NGEF: variants seen among roughly 807,000 people sequenced by gnomAD.
NGEF encodes ephexin-1.
A neutral mutation model predicts 80.9 loss-of-function variants in NGEF; 31 were observed. The ratio of observed to expected loss-of-function variants is 0.38; its 90% confidence interval spans 0.29 to 0.52. NGEF has a LOEUF of 0.52. Among genes scored for constraint, NGEF ranks in the 20% least tolerant of loss-of-function variants. The pLI is 0.84. For synonymous variants in NGEF, 371 were observed against 370.2 expected (o/e 1.00, Z -0.03); for missense variants, 709 against 926.2 (o/e 0.77, Z 3.04).
chr2:232,900,454 T>G lies in NGEF; in HGVS notation c.829-5538A>C, dbSNP rs572396346. Reference sequence around the variant, plus strand: ...CTCTCACAGTCACTCATATACACGTTCACTCACATTCACTCACACACACGC... The same window carrying G: ...CTCTCACAGTCACTCATATACACGTGCACTCACATTCACTCACACACACGC... On this transcript the variant is annotated intron_variant, in intron 5 of 14. Coordinates refer to ENST00000264051, the MANE Select transcript of NGEF (RefSeq NM_019850.3). Among the ~76,000 whole-genome samples the G allele has an allele frequency of 3.3e-4, 21 of 64,572 alleles. 2 individuals are homozygous for G. Among genetic ancestry groups the G allele is most frequent in the African/African-American group, 1.1e-3 (21 of 18,570 alleles). 42.4% of individuals were successfully genotyped at this position (64,572 alleles called of 152,430 possible). A position where few individuals can be genotyped will look rare whatever the true frequency, so the allele number is the denominator to read the frequency against.
At chr2:232,910,449 GGGGGGTGGGGGGGGTAAT>G (rs1277392169) in intron 5 of NGEF, among the ~76,000 whole-genome samples, 13 of 151,810 alleles carry the variant, frequency 8.6e-5, no homozygotes. Flanking sequence ...ATGGCGAGGT[GGGGGGTGGGGGGGGTAAT>G]GGGGGTGGGG....
Position 232,929,236 on chromosome 2 carries a change from C to G in NGEF, c.384-2050G>C, listed in dbSNP as rs984962314. Among the ~76,000 whole-genome samples, 24 of 152,208 alleles carry G rather than the reference C, an allele frequency of 1.6e-4. 1 individual carries two copies. The highest frequency in any genetic ancestry group is 1.6e-3 in the Admixed American group (24 of 15,276). On this transcript the variant is annotated intron_variant, in intron 3 of 14. Transcript: ENST00000264051. ...CGGCATTTGTTTAAATTAGCAAATT[C>G]TTCGTTGGGGGGGATGCAAACATTC...
At chr2:232,973,476 G>A (rs1040792520) in intron 2 of NGEF, among the ~76,000 whole-genome samples, 3 of 152,220 alleles carry the variant, frequency 2.0e-5, no homozygotes, top group African/African-American at 4.8e-5. Context: ...CTGTGGGCTG[G>A]TTTGACTGAC....
chr2:232,888,034 A>T lies in NGEF; in HGVS notation c.1346T>A (p.Met449Lys), dbSNP rs1399586944. The change falls in exon 9 of 15, where the codon ATG (methionine) becomes AAG (lysine). Residue 449 changes from methionine to lysine, a missense_variant and splice_region_variant. Physicochemically the swap from Met to Lys is moderately conservative, Grantham distance 95. This residue lies in a region of NGEF where 426 missense variants were observed against 622.9 expected (regional missense o/e 0.68). Transcript: ENST00000264051. ...TALDAHKELE[M>K]VVKACNEGVR... is the part of the protein sequence containing the mutation. Reference sequence around the variant, plus strand: ...AGCACAAGAGGAGGTGAGACTCACCATTTCCAGCTCCTTGTGAGCATCCAA... The same window carrying T: ...AGCACAAGAGGAGGTGAGACTCACCTTTTCCAGCTCCTTGTGAGCATCCAA... 6.2e-7 allele frequency: 1 copy of T among 1,613,514 alleles called. No individual in the cohort carries two copies.
intron 1 of NGEF, among the ~76,000 whole-genome samples, chr2:232,982,880 A>G (rs1357561631): frequency 6.6e-6 from 1 of 152,222 alleles, no homozygotes; most frequent in Non-Finnish European, 1.5e-5. Context: ...AGACAGAGGA[A>G]GGAGACACAG....
intron 3 of NGEF, among the ~76,000 whole-genome samples, chr2:232,968,066 A>G (rs1449256845): frequency 6.9e-6 from 1 of 144,882 alleles, no homozygotes; most frequent in South Asian, 2.1e-4. Flanking sequence ...GATGGAACCC[A>G]TTTGCTGAGG....
At chr2:232,933,415 A>G (rs1693260512) in intron 3 of NGEF, among the ~76,000 whole-genome samples, 1 of 152,048 alleles carries the variant, frequency 6.6e-6, no homozygotes, top group African/African-American at 2.4e-5. Context: ...CAGTGTGCCA[A>G]TGGCTCACCA....
At chr2:232,945,747 C>T (rs2106301261) in intron 3 of NGEF, among the ~76,000 whole-genome samples, 1 of 152,244 alleles carries the variant, frequency 6.6e-6, no homozygotes, top group East Asian at 1.9e-4. Flanking sequence ...TGCTTTGTTC[C>T]AGCGGCCCTA....
intron 1 of NGEF, among the ~76,000 whole-genome samples, chr2:233,006,699 C>T (rs1190541662): frequency 2.0e-5 from 3 of 152,156 alleles, no homozygotes; most frequent in Non-Finnish European, 4.4e-5. Context: ...TTTGCAAGGG[C>T]CAAGAGCTTT....
rs1691925093 is a variant in NGEF, at chr2:232,892,832, C to G, written c.1142+66G>C. On this transcript the variant is annotated intron_variant, in intron 7 of 14. Coordinates refer to ENST00000264051, the MANE Select transcript of NGEF (RefSeq NM_019850.3). The surrounding 1 kb of genome is among the most constrained non-coding windows in gnomAD (Gnocchi z 4.0). ...AGTGTCACCGTGTAAGGAGCCTGGG[C>G]CAGCACTGGTATGGCTGCCCCGGGC... 1.3e-6 allele frequency: 2 copies of G among 1,533,984 alleles called. No individual in the cohort carries two copies. Among genetic ancestry groups the G allele is most frequent in the Admixed American group, 3.5e-5 (2 of 57,704 alleles).
chr2:232,893,707 G>A (rs1336922989), intron 6 of NGEF, among the ~76,000 whole-genome samples: 4 of 152,128 alleles, frequency 2.6e-5, no homozygotes, highest in Non-Finnish European at 4.4e-5. Context: ...CCCAGGAGGC[G>A]GAGGTTGCCA....
chr2:232,883,158 T>A (rs35684440), intron 12 of NGEF, among the ~76,000 whole-genome samples, 153 bp downstream of exon 12: 12,252 of 152,162 alleles, frequency 0.081, 748 homozygotes, highest in Middle Eastern at 0.11. Flanking sequence ...ATAGAAAGTA[T>A]TGGCGCAGGG....
intron 5 of NGEF, among the ~76,000 whole-genome samples, chr2:232,904,538 C>T (rs908473093): frequency 6.6e-6 from 1 of 152,208 alleles, no homozygotes; most frequent in African/African-American, 2.4e-5. Flanking sequence ...CCCTTCCCAA[C>T]CTTTTAATTT....
At chr2:232,915,836 G>A (rs371750339) in intron 5 of NGEF, among the ~76,000 whole-genome samples, 3 of 152,004 alleles carry the variant, frequency 2.0e-5, no homozygotes. Flanking sequence ...GACTATAGGC[G>A]CACACCACCA....
intron 1 of NGEF, among the ~76,000 whole-genome samples, chr2:233,003,954 C>T (rs1487426175): frequency 1.3e-5 from 2 of 152,148 alleles, no homozygotes; most frequent in Non-Finnish European, 2.9e-5. Flanking sequence ...ACCAACAGAC[C>T]CAGCATTTAA....
intron 3 of NGEF, among the ~76,000 whole-genome samples, chr2:232,965,942 C>G (rs1046289769): frequency 6.6e-6 from 1 of 152,150 alleles, no homozygotes; most frequent in African/African-American, 2.4e-5. Flanking sequence ...CCAGATTCCC[C>G]ACTTCACCCT....
chr2:233,007,712 G>A lies in NGEF; in HGVS notation c.-75+5356C>T, dbSNP rs1302126931. Among the ~76,000 whole-genome samples, 5 of 152,246 alleles carry A rather than the reference G, an allele frequency of 3.3e-5. No homozygotes were observed. In the East Asian group the frequency reaches 5.8e-4, roughly 18 times the overall value. ...TTGATTTTAGATTGAGCATCCAAAC[G>A]ACTTCATTATGACCCTGAGCTCCAT... On this transcript the variant is annotated intron_variant, in intron 1 of 14. Coordinates refer to ENST00000264051, the MANE Select transcript of NGEF (RefSeq NM_019850.3).
intron 1 of NGEF, among the ~76,000 whole-genome samples, chr2:233,007,688 T>C (rs1695115455): frequency 1.3e-5 from 2 of 152,218 alleles, no homozygotes; most frequent in South Asian, 4.1e-4. Flanking sequence ...ATGAGCCTGT[T>C]GATTTTAGAT....
intron 5 of NGEF, among the ~76,000 whole-genome samples, chr2:232,902,087 C>T (rs1418532871): frequency 6.6e-6 from 1 of 152,234 alleles, no homozygotes; most frequent in Non-Finnish European, 1.5e-5. Context: ...GCTCTCCACT[C>T]TCTGCTCCTG....
Sources: allele counts gnomAD v4.1 joint callset (sites outside exome capture counted in the v4.1 genomes callset), GRCh38; gene constraint gnomAD v4.1.1; regional missense constraint gnomAD v4.1.1; non-coding constraint Gnocchi (gnomAD v3.1); transcripts MANE v1.5; gene names NCBI Gene and HGNC (gene_info 2026-07-23, HGNC 2026-07-21).